C2CD2: variants seen among roughly 807,000 people sequenced by gnomAD.
C2CD2 encodes the protein C2 calcium dependent domain containing 2.
Under a neutral mutation model 74.3 loss-of-function variants are expected in C2CD2, and 43 were observed. That is an observed-to-expected ratio of 0.58 (90% confidence interval 0.45 to 0.75). The LOEUF (loss-of-function observed/expected upper bound fraction) is 0.75. C2CD2 is among the 30% of genes least tolerant of loss of function. The pLI is 0.00. For missense variants in C2CD2, 801 were observed against 916.3 expected (o/e 0.87, Z 1.63); for synonymous variants, 422 against 390.7 (o/e 1.08, Z -0.94).
chr21:41,930,634 G>A (rs1418418917), intron 2 of C2CD2, among the ~76,000 whole-genome samples: 2 of 149,548 alleles, frequency 1.3e-5, no homozygotes, highest in African/African-American at 2.4e-5. Context: ...CCCGGCAGGC[G>A]GAGGTTGCAG....
chr21:41,928,102 C>G (rs769393596), intron 2 of C2CD2, among the ~76,000 whole-genome samples: 6 of 152,206 alleles, frequency 3.9e-5, no homozygotes, highest in Non-Finnish European at 5.9e-5. Flanking sequence ...AAGACAAAAT[C>G]AAGACAGTTC....
Position 41,953,743 on chromosome 21 carries a change from TGGGGGCGTGGA to T in C2CD2, c.-106_-96del. ...CGCGCTGGCTGCGGCCACAGCGCGCTGGGGGCGTGGAGGGGGCGCGGCGGGGTCGGAGCCCG... is the reference window on the plus strand; with the variant it reads ...CGCGCTGGCTGCGGCCACAGCGCGCTGGGGGCGCGGCGGGGTCGGAGCCCG... On this transcript the variant is annotated 5_prime_UTR_variant, in exon 1 of 14. Transcript: ENST00000380486. 1 of 1,166,998 alleles carries T rather than the reference TGGGGGCGTGGA, an allele frequency of 8.6e-7. No individual in the cohort carries two copies. Among genetic ancestry groups the T allele is most frequent in the East Asian group, 3.4e-5 (1 of 29,700 alleles). 72.3% of individuals were successfully genotyped at this position (1,166,998 alleles called of 1,614,324 possible). A position where few individuals can be genotyped will look rare whatever the true frequency, so the allele number is the denominator to read the frequency against.
chr21:41,949,459 A>G (rs1399486218), intron 1 of C2CD2, among the ~76,000 whole-genome samples: 1 of 152,192 alleles, frequency 6.6e-6, no homozygotes, highest in Non-Finnish European at 1.5e-5. Context: ...CACCACACCA[A>G]GTGGAGAGGC....
intron 7 of C2CD2, among the ~76,000 whole-genome samples, chr21:41,910,641 C>A (rs781473381): frequency 1.1e-4 from 16 of 151,992 alleles, no homozygotes; most frequent in Non-Finnish European, 2.1e-4. Context: ...GAATTTTGTT[C>A]AGTTTTCTAA....
intron 6 of C2CD2, among the ~76,000 whole-genome samples, chr21:41,913,801 G>A (rs988929504): frequency 6.6e-6 from 1 of 152,156 alleles, no homozygotes; most frequent in African/African-American, 2.4e-5. Flanking sequence ...TGTGTCTGGG[G>A]CCTCAACAGT....
intron 2 of C2CD2, among the ~76,000 whole-genome samples, chr21:41,931,889 TCCCACCAC>T (rs2065264831): frequency 1.5e-5 from 1 of 65,562 alleles, no homozygotes; most frequent in Admixed American, 1.9e-4. Flanking sequence ...ACCTCCAGCA[TCCCACCAC>T]CCCACCTCCA....
chr21:41,942,838 G>T, intron 1 of C2CD2: 1 of 338,466 alleles, frequency 3.0e-6, no homozygotes, highest in Non-Finnish European at 4.2e-6. Flanking sequence ...GGCTGGAAAT[G>T]AACCCGCCTG....
At chr21:41,902,259 C>G (rs1045040170) in intron 11 of C2CD2, among the ~76,000 whole-genome samples, 3 of 152,128 alleles carry the variant, frequency 2.0e-5, no homozygotes, top group Admixed American at 6.5e-5. Flanking sequence ...ACTCCTTTTC[C>G]CTCCCAAGAG....
At chr21:41,889,974 G>A (rs2064731222) in intron 13 of C2CD2, among the ~76,000 whole-genome samples, 2 of 152,076 alleles carry the variant, frequency 1.3e-5, no homozygotes, top group Admixed American at 6.6e-5. Flanking sequence ...AGACCAAATG[G>A]AGGCAGACAG....
intron 3 of C2CD2, 143 bp from the exon 4 acceptor site, chr21:41,919,103 TGA>T (rs1354364450): frequency 7.6e-6 from 5 of 657,906 alleles, no homozygotes; most frequent in East Asian, 2.7e-5. Flanking sequence ...TGAGTGCATG[TGA>T]GTGTGCGTGT....
At chr21:41,910,382 T>G (rs1429587447) in intron 7 of C2CD2, among the ~76,000 whole-genome samples, 1 of 152,162 alleles carries the variant, frequency 6.6e-6, no homozygotes, top group African/African-American at 2.4e-5. Context: ...TTAGGAAAAC[T>G]CTAATTGCCT....
chr21:41,953,485 C>A lies in C2CD2; in HGVS notation c.164G>T (p.Gly55Val). The A allele has an allele frequency of 6.7e-7, 1 of 1,483,984 alleles. No individual in the cohort carries two copies. The highest frequency in any genetic ancestry group is 1.3e-5 in the South Asian group (1 of 76,830). 91.9% of individuals were successfully genotyped at this position (1,483,984 alleles called of 1,614,324 possible). A position where few individuals can be genotyped will look rare whatever the true frequency, so the allele number is the denominator to read the frequency against. The change falls in exon 1 of 14, where the codon GGG becomes GTG. Residue 55 changes from glycine to valine, a missense_variant. Physicochemically the swap from Gly to Val is moderately radical, Grantham distance 109 (BLOSUM62 -3). Transcript: ENST00000380486. Reference sequence around the variant, plus strand: ...CAGCGCGTCGGACCCCGGGCGCGGCCCCTCTCCAGGCTCCACCGCCCGCCG... The same window carrying A: ...CAGCGCGTCGGACCCCGGGCGCGGCACCTCTCCAGGCTCCACCGCCCGCCG... ...PQRRAVEPGEGPRPGSDALLS... is the reference protein window; with the variant it reads ...PQRRAVEPGEVPRPGSDALLS...
Position 41,907,037 on chromosome 21 carries a change from T to G in C2CD2, c.1273A>C (p.Thr425Pro). The change falls in exon 10 of 14, where the codon ACC (threonine) becomes CCC (proline). Residue 425 changes from threonine (T) to proline (P), a missense_variant. Physicochemically the swap from Thr to Pro is conservative, Grantham distance 38 (BLOSUM62 -1). Transcript: ENST00000380486. ...TVVTTVTAVK[T>P]KPRVDVGRAS... ...CTCCCCACGTCGACGCGAGGCTTGG[T>G]CTTCACAGCAGTGACAGTAGTGACC... 6.2e-7 allele frequency: 1 copy of G among 1,614,150 alleles called. No homozygotes were observed.
At chr21:41,911,148 C>T (rs1408903164) in intron 7 of C2CD2, among the ~76,000 whole-genome samples, 1 of 152,006 alleles carries the variant, frequency 6.6e-6, no homozygotes, top group African/African-American at 2.4e-5. Context: ...TATTAAATGT[C>T]ACTGAATGTC....
intron 2 of C2CD2, among the ~76,000 whole-genome samples, chr21:41,925,923 T>C (rs1176331115): frequency 1.3e-5 from 2 of 152,250 alleles, no homozygotes; most frequent in East Asian, 1.9e-4. Flanking sequence ...GCCATGGTCA[T>C]GAGAGCCTCT....
chr21:41,948,870 C>CTTTTA (rs1339605498), intron 1 of C2CD2, among the ~76,000 whole-genome samples: 88 of 80,706 alleles, frequency 1.1e-3, no homozygotes, highest in African/African-American at 3.6e-3. Flanking sequence ...CACACAGCAT[C>CTTTTA]TTTTTTTTTT....
chr21:41,893,285 T>C (rs1309713626), intron 13 of C2CD2, among the ~76,000 whole-genome samples: 10 of 152,186 alleles, frequency 6.6e-5, no homozygotes, highest in Non-Finnish European at 1.3e-4. Flanking sequence ...GTGTTTTGCT[T>C]GAGCACAAGA....
intron 1 of C2CD2, among the ~76,000 whole-genome samples, chr21:41,949,601 A>C (rs567102862): frequency 6.6e-6 from 1 of 152,328 alleles, no homozygotes; most frequent in South Asian, 2.1e-4. Context: ...AAGGATCTAG[A>C]ACTACAAATA....
chr21:41,930,300 C>A, intron 2 of C2CD2, among the ~76,000 whole-genome samples: 1 of 149,848 alleles, frequency 6.7e-6, no homozygotes, highest in Non-Finnish European at 1.5e-5. Context: ...GCTATAATTG[C>A]ATTTCTGAAG....
Sources: gnomAD v4.1 joint callset for allele counts (sites outside exome capture counted in the v4.1 genomes callset) on GRCh38, gnomAD v4.1.1 for gene constraint, MANE v1.5 for transcripts, NCBI Gene and HGNC (gene_info 2026-07-23, HGNC 2026-07-21) for gene names.